The following SEC14L3 variants were observed in gnomAD, a reference collection of about 807,000 sequenced individuals.
The protein encoded by SEC14L3 is SEC14-like protein 3.
SEC14L3 carries 56 observed loss-of-function variants against 57.4 expected under a neutral mutation model. The ratio of observed to expected loss-of-function variants is 0.97; its 90% CI spans 0.79 to 1.22. The LOEUF (loss-of-function observed/expected upper bound fraction) is 1.22, where lower values mean the gene tolerates loss of function less well. Ranked by LOEUF, SEC14L3 falls within the 50% of genes most tolerant of loss-of-function variation. The pLI, the probability that SEC14L3 is intolerant of heterozygous loss-of-function variation, is 0.00. For missense variants in SEC14L3, 485 were observed against 511.7 expected (o/e 0.95, Z 0.50); for synonymous variants, 173 against 194.4 (o/e 0.89, Z 0.92).
chr22:30,469,945 C>T (rs1414783900), intron 4 of SEC14L3, 74 bp downstream of exon 4: 5 of 1,171,740 alleles, frequency 4.3e-6, no homozygotes, highest in Non-Finnish European at 6.1e-6. Context: ...GCTTGCTGCC[C>T]CTCATTCATG....
At chr22:30,464,718 A>G in intron 8 of SEC14L3, 102 bp downstream of exon 8, 1 of 1,075,170 alleles carries the variant, frequency 9.3e-7, no homozygotes, top group Middle Eastern at 2.0e-4. Flanking sequence ...TTCGTGAGCC[A>G]CTGCACCCAA....
chr22:30,461,235 T>C (rs1489140790), intron 11 of SEC14L3, 75 bp downstream of exon 11: 1 of 1,511,072 alleles, frequency 6.6e-7, no homozygotes, highest in Non-Finnish European at 8.9e-7. Flanking sequence ...TCACTGCCCC[T>C]CTGTTTCCTT....
At chr22:30,449,084 A>G (rs1458866337) in exon 13 of SEC14L3, 2 of 1,550,528 alleles carry the variant, frequency 1.3e-6, no homozygotes, top group South Asian at 2.4e-5. Flanking sequence ...ACACAGACAA[A>G]AATTAGTTAC....
downstream of SEC14L3, among the ~76,000 whole-genome samples, chr22:30,454,910 ATTATTATATATTATATAATAG>A (rs1935074892): frequency 5.2e-5 from 2 of 38,578 alleles, no homozygotes; most frequent in Non-Finnish European, 7.9e-5. Flanking sequence ...TATATAATAT[ATTATTATATATTATATAATAG>A]ATATATAATA....
chr22:30,466,410 A>C lies in SEC14L3; in HGVS notation c.520-16T>G. On this transcript the variant is annotated splice_polypyrimidine_tract_variant and intron_variant, in intron 6 of 11. Coordinates refer to ENST00000215812, the MANE Select transcript of SEC14L3 (RefSeq NM_174975.5). Reference sequence around the variant, plus strand: ...GGCCAAAGAACTGTGGAACCAAGAGAGATCCCTTCAGAGAGCACATCACAT... The same window carrying C: ...GGCCAAAGAACTGTGGAACCAAGAGCGATCCCTTCAGAGAGCACATCACAT... 4.3e-6 allele frequency: 7 copies of C among 1,614,052 alleles called. No homozygotes were observed. The highest frequency in any genetic ancestry group is 5.9e-6 in the Non-Finnish European group (7 of 1,179,968).
At chr22:30,468,235 C>T (rs1480712419) in intron 5 of SEC14L3, among the ~76,000 whole-genome samples, 1 of 151,256 alleles carries the variant, frequency 6.6e-6, no homozygotes, top group South Asian at 2.1e-4. Flanking sequence ...GCCAAGATCA[C>T]ACCACTGCAC....
At chr22:30,464,095 G>A (rs751112928) in intron 8 of SEC14L3, among the ~76,000 whole-genome samples, 53 of 151,974 alleles carry the variant, frequency 3.5e-4, no homozygotes, top group Admixed American at 2.0e-3. Context: ...TTCTCATGGC[G>A]GCTCCAGAAT....
At chr22:30,463,803 TCTC>T (rs1935338331) in intron 8 of SEC14L3, among the ~76,000 whole-genome samples, 1 of 152,090 alleles carries the variant, frequency 6.6e-6, no homozygotes, top group Non-Finnish European at 1.5e-5. Flanking sequence ...ACACAACTAT[TCTC>T]CTATTTGTAA....
chr22:30,454,584 A>G (rs867538240), downstream of SEC14L3, among the ~76,000 whole-genome samples: 6 of 77,616 alleles, frequency 7.7e-5, no homozygotes, highest in Admixed American at 3.3e-4. Flanking sequence ...ATCTATAATA[A>G]TATTATTATA....
intron 11 of SEC14L3, among the ~76,000 whole-genome samples, chr22:30,460,417 G>A (rs957142056): frequency 1.3e-5 from 2 of 152,216 alleles, no homozygotes; most frequent in Non-Finnish European, 2.9e-5. Context: ...ACCTGGAGAC[G>A]CACATGACGG....
intron 8 of SEC14L3, among the ~76,000 whole-genome samples, chr22:30,462,732 G>C (rs1935306097): frequency 7.7e-6 from 1 of 129,238 alleles, no homozygotes; most frequent in African/African-American, 3.2e-5. Flanking sequence ...CCCAGCCTAT[G>C]GCACATTCTT....
At chr22:30,467,359 T>A (rs5997654) in intron 5 of SEC14L3, among the ~76,000 whole-genome samples, 104,544 of 151,878 alleles carry the variant, frequency 0.69, 37,099 homozygotes, top group African/African-American at 0.86. Flanking sequence ...ATCCATTCAT[T>A]CATATTGTCA....
intron 12 of SEC14L3, among the ~76,000 whole-genome samples, chr22:30,451,946 C>A (rs1472138724): frequency 7.7e-6 from 1 of 130,432 alleles, no homozygotes; most frequent in East Asian, 2.6e-4. Context: ...GAGCCAAGAT[C>A]GCGCCACTGC....
exon 13 of SEC14L3, chr22:30,448,878 C>A (rs915472652): frequency 7.3e-6 from 4 of 546,904 alleles, no homozygotes; most frequent in Non-Finnish European, 9.8e-6. Context: ...GGCCACAAAG[C>A]AAAGCCCTGT....
chr22:30,453,986 T>C (rs887254112), intron 12 of SEC14L3, among the ~76,000 whole-genome samples: 2 of 152,162 alleles, frequency 1.3e-5, no homozygotes, highest in Admixed American at 6.5e-5. Context: ...TCCAGGTTCA[T>C]GGATAGTCAT....
chr22:30,469,350 G>A (rs9620997), intron 4 of SEC14L3, among the ~76,000 whole-genome samples: 31,546 of 151,516 alleles, frequency 0.21, 3,427 homozygotes, highest in East Asian at 0.31. Flanking sequence ...CTTCTGTACT[G>A]TGTGTCCTTG....
At chr22:30,460,220 C>T in intron 11 of SEC14L3, 78 bp from the exon 12 acceptor site, 7 of 1,564,282 alleles carry the variant, frequency 4.5e-6, no homozygotes, top group Non-Finnish European at 6.1e-6. Flanking sequence ...TGGAGGAGGA[C>T]AGGCTTGTGT....
chr22:30,471,293 A>G, intron 1 of SEC14L3: 1 of 455,808 alleles, frequency 2.2e-6, no homozygotes, highest in Non-Finnish European at 4.4e-6. Flanking sequence ...AAAAAAGAAG[A>G]AAAAGAAGAA....
intron 12 of SEC14L3, among the ~76,000 whole-genome samples, chr22:30,453,981 G>C (rs767522073): frequency 2.4e-4 from 37 of 152,138 alleles, no homozygotes; most frequent in Non-Finnish European, 4.6e-4. Flanking sequence ...TGCTGTCCAG[G>C]TTCATGGATA....
Sources: allele counts gnomAD v4.1 joint callset (sites outside exome capture counted in the v4.1 genomes callset), GRCh38; gene constraint gnomAD v4.1.1; transcripts MANE v1.5; gene names NCBI Gene and HGNC (gene_info 2026-07-23, HGNC 2026-07-21).